Variants in PREX1 observed in about 807,000 individuals in gnomAD.
PREX1 encodes the protein phosphatidylinositol-3,4,5-trisphosphate dependent Rac exchange factor 1, also known as phosphatidylinositol 3,4,5-trisphosphate-dependent Rac exchanger 1 protein.
A neutral mutation model predicts 198.3 loss-of-function variants in PREX1; 41 were observed. The observed-to-expected ratio is 0.21, with a 90% CI of 0.16 to 0.27. PREX1 has a LOEUF of 0.27. PREX1 is among the 10% of genes least tolerant of loss of function. The pLI, the probability that PREX1 is intolerant of heterozygous loss-of-function variation, is 1.00. For missense variants in PREX1, 1,620 were observed against 2,200.7 expected (o/e 0.74, Z 5.28); for synonymous variants, 843 against 887.2 (o/e 0.95, Z 0.89).
chr20:48,698,882 C>A (rs994359227), intron 7 of PREX1, among the ~76,000 whole-genome samples: 4 of 152,190 alleles, frequency 2.6e-5, no homozygotes, highest in Admixed American at 6.5e-5. Context: ...GAGGTACATA[C>A]GATCATTCAC....
chr20:48,694,959 G>A (rs1320261835), intron 7 of PREX1, among the ~76,000 whole-genome samples: 1 of 152,068 alleles, frequency 6.6e-6, no homozygotes, highest in African/African-American at 2.4e-5. Context: ...GTGTGTGTTT[G>A]TGTGTGTATA....
At position 48,772,704 on chromosome 20, in the gene PREX1, A is replaced by T. The variant is rs548967845; in HGVS notation, c.220-24824T>A. 3.9e-5 allele frequency among the ~76,000 whole-genome samples: 6 copies of T among 152,322 alleles called. No homozygotes were observed. In the South Asian group the frequency reaches 1.2e-3, roughly 32 times the overall value. ...CTGAGGAAGGAGGAAGGGGCAGAGC[A>T]GGCTGGGCTAGGACTCACCCTGTCC... On this transcript the variant is annotated intron_variant, in intron 1 of 39. Transcript: ENST00000371941.
rs143426748 is a variant in PREX1 at position 48,683,679 on chromosome 20, G to T, written c.1335-2344C>A. Reference sequence around the variant, plus strand: ...AGTGTAGCCCATCATGGCCCATTATGTTAGAAGACGAACGCATCTAACAGC... The same window carrying T: ...AGTGTAGCCCATCATGGCCCATTATTTTAGAAGACGAACGCATCTAACAGC... On this transcript the variant is annotated intron_variant, in intron 10 of 39. Transcript: ENST00000371941. Among the ~76,000 whole-genome samples, 233 of 152,310 alleles carry T rather than the reference G, an allele frequency of 1.5e-3. 1 individual carries two copies. The highest frequency in any genetic ancestry group is 5.3e-3 in the African/African-American group (221 of 41,568).
Position 48,675,069 on chromosome 20 carries a change from C to T in PREX1, c.1665+1124G>A, listed in dbSNP as rs142612055. 1.4e-4 allele frequency among the ~76,000 whole-genome samples: 22 copies of T among 152,352 alleles called. No homozygotes were observed. The East Asian group carries it at 3.7e-3, about 25-fold the overall frequency. ...AAAATGTGGTACAGACATACTGCTA[C>T]GGTTTGAATGCTTTTGTCCCTTCCA... On this transcript the variant is annotated intron_variant, in intron 14 of 39. Coordinates refer to ENST00000371941, the MANE Select transcript of PREX1 (RefSeq NM_020820.4).
At chr20:48,794,353 G>A (rs73260218) in intron 1 of PREX1, among the ~76,000 whole-genome samples, 2,884 of 152,288 alleles carry the variant, frequency 0.019, 109 homozygotes, top group African/African-American at 0.066. Context: ...GGCAAGGGGC[G>A]GACAGAGAGT....
chr20:48,689,144 G>T (rs1178214983), intron 9 of PREX1, among the ~76,000 whole-genome samples: 2 of 152,156 alleles, frequency 1.3e-5, no homozygotes, highest in African/African-American at 4.8e-5. Context: ...CCAACCTGAG[G>T]GTGGGTTTCT....
rs369721648 is a variant in PREX1, at chr20:48,684,154, C to T, written c.1335-2819G>A. Reference sequence around the variant, plus strand: ...CCTTCCCGCCTCCTAGAATCATTCACCCACTAAACATCTATTTAGCCTACA... The same window carrying T: ...CCTTCCCGCCTCCTAGAATCATTCATCCACTAAACATCTATTTAGCCTACA... On this transcript the variant is annotated intron_variant, in intron 10 of 39. Transcript: ENST00000371941. This position sits in a 1 kb window ranked among gnomAD's most constrained non-coding sequence, Gnocchi z 4.2. 7.2e-5 allele frequency among the ~76,000 whole-genome samples: 11 copies of T among 152,166 alleles called. No homozygotes were observed. The highest frequency in any genetic ancestry group is 2.2e-4 in the African/African-American group (9 of 41,426).
intron 1 of PREX1, among the ~76,000 whole-genome samples, chr20:48,755,572 A>T (rs2090152812): frequency 6.6e-6 from 1 of 152,182 alleles, no homozygotes; most frequent in Non-Finnish European, 1.5e-5. Flanking sequence ...TGGATTGCAA[A>T]TGCGATGCCT....
intron 1 of PREX1, among the ~76,000 whole-genome samples, chr20:48,748,902 A>T (rs916261434): frequency 1.3e-5 from 2 of 152,182 alleles, no homozygotes; most frequent in Non-Finnish European, 2.9e-5. Flanking sequence ...AGTGTTGGTG[A>T]AAAAGCCCTC....
chr20:48,681,435 C>G (rs1371888593), intron 10 of PREX1, 100 bp from the exon 11 acceptor site: 8 of 1,140,810 alleles, frequency 7.0e-6, no homozygotes, highest in Non-Finnish European at 1.1e-5. Flanking sequence ...CTGGGAATGA[C>G]AGCTAGAACT....
chr20:48,753,550 G>T (rs143764616), intron 1 of PREX1, among the ~76,000 whole-genome samples: 4 of 152,120 alleles, frequency 2.6e-5, no homozygotes, highest in African/African-American at 9.7e-5. Flanking sequence ...ACAGCTGACC[G>T]CAAACAACAG....
At chr20:48,633,022 C>T (rs1352329542) in intron 33 of PREX1, among the ~76,000 whole-genome samples, 1 of 152,194 alleles carries the variant, frequency 6.6e-6, no homozygotes, top group Non-Finnish European at 1.5e-5. Context: ...GCCCATGGCC[C>T]CTGCCTGGGA....
chr20:48,825,489 G>A (rs766633221), intron 1 of PREX1, among the ~76,000 whole-genome samples: 19 of 152,132 alleles, frequency 1.2e-4, no homozygotes, highest in Non-Finnish European at 2.5e-4. Context: ...TGAAAGTAGA[G>A]AAATCTTTTT....
At chr20:48,645,108 C>T (rs149219026) in intron 26 of PREX1, among the ~76,000 whole-genome samples, 15 of 152,348 alleles carry the variant, frequency 9.8e-5, no homozygotes, top group African/African-American at 3.4e-4. Flanking sequence ...AGACGCCAGG[C>T]GAGCAGCCAA....
intron 26 of PREX1, 84 bp from the exon 27 acceptor site, chr20:48,644,581 G>A (rs2089437597): frequency 1.6e-6 from 2 of 1,261,980 alleles, no homozygotes; most frequent in Non-Finnish European, 2.2e-6. Context: ...TTTCTACAGT[G>A]TAGACAAAAC....
rs186152101 is a variant in PREX1 at position 48,781,494 on chromosome 20, T to C, written c.220-33614A>G. ...AAGGAATGTGACTCATGGGCCACAA[T>C]GGTGCAGCCCCTGGCCTACAGCTGA... On this transcript the variant is annotated intron_variant, in intron 1 of 39. Transcript: ENST00000371941. 9.9e-5 allele frequency among the ~76,000 whole-genome samples: 15 copies of C among 152,234 alleles called. 1 individual carries two copies. Among genetic ancestry groups the C allele is most frequent in the Admixed American group, 9.8e-4 (15 of 15,288 alleles).
chr20:48,795,638 CA>C (rs1462925018), intron 1 of PREX1, among the ~76,000 whole-genome samples: 2 of 152,058 alleles, frequency 1.3e-5, no homozygotes, highest in Non-Finnish European at 2.9e-5. Flanking sequence ...CCAAGATGCC[CA>C]TCAAGAAGGG....
chr20:48,876,448 G>A, the PREX1 span, among the ~76,000 whole-genome samples: 2 of 152,190 alleles, frequency 1.3e-5, no homozygotes, highest in African/African-American at 2.4e-5. Context: ...CAAAGAAAGG[G>A]AATAGAGCTT....
chr20:48,692,582 A>G (rs2089824928), intron 8 of PREX1, 90 bp downstream of exon 8: 15 of 1,112,980 alleles, frequency 1.3e-5, no homozygotes, highest in Non-Finnish European at 1.8e-5. Flanking sequence ...TCATGATAAA[A>G]GAAAAAAATA....
Sources: gnomAD v4.1 joint callset for allele counts (sites outside exome capture counted in the v4.1 genomes callset) on GRCh38, gnomAD v4.1.1 for gene constraint, Gnocchi (gnomAD v3.1) non-coding constraint, MANE v1.5 for transcripts, NCBI Gene and HGNC (gene_info 2026-07-23, HGNC 2026-07-21) for gene names.